The following EPHA6 variants were observed in gnomAD, a reference collection of about 807,000 sequenced individuals.
The protein encoded by EPHA6 is EPH receptor A6, also known as ephrin type-A receptor 6.
A neutral mutation model predicts 112.0 loss-of-function variants in EPHA6; 50 were observed. The ratio of observed to expected loss-of-function variants is 0.45; its 90% confidence interval spans 0.36 to 0.56. EPHA6 has a LOEUF of 0.56. EPHA6 is among the 20% of genes least tolerant of loss of function. The pLI is 0.00. For synonymous variants in EPHA6, 529 were observed against 490.7 expected, an observed-to-expected ratio of 1.08 and a Z score of -1.03; for missense variants, 1,280 against 1,417.4, an observed-to-expected ratio of 0.90 and a Z score of 1.56.
At chr3:97,024,700 T>C (rs1322870452) in intron 3 of EPHA6, among the ~76,000 whole-genome samples, 1 of 152,208 alleles carries the variant, frequency 6.6e-6, no homozygotes, top group Non-Finnish European at 1.5e-5. Context: ...TATTTAAAGA[T>C]ATTTCATTGA....
Position 97,540,016 on chromosome 3 carries a change from T to A in EPHA6, c.2386+7473T>A, listed in dbSNP as rs62262778. On this transcript the variant is annotated intron_variant, in intron 11 of 17. Coordinates refer to ENST00000389672, the MANE Select transcript of EPHA6 (RefSeq NM_001080448.3). Reference sequence around the variant, plus strand: ...ATTAATTAGGGAAAGAGTTATAGGATGAAGATGAGAAGAGATTAAATCCAA... The same window carrying A: ...ATTAATTAGGGAAAGAGTTATAGGAAGAAGATGAGAAGAGATTAAATCCAA... Among the ~76,000 whole-genome samples, 1,051 of 152,152 alleles carry A rather than the reference T, an allele frequency of 6.9e-3. 9 individuals carry two copies. Among genetic ancestry groups the A allele is most frequent in the South Asian group, 0.018 (88 of 4,830 alleles).
intron 3 of EPHA6, among the ~76,000 whole-genome samples, chr3:97,024,941 A>G (rs1298302293): frequency 6.6e-6 from 1 of 152,222 alleles, no homozygotes; most frequent in Non-Finnish European, 1.5e-5. Context: ...TTGTATAATA[A>G]TAAACCCATG....
chr3:97,165,516 T>C (rs888670025), intron 3 of EPHA6, among the ~76,000 whole-genome samples: 3 of 152,122 alleles, frequency 2.0e-5, no homozygotes, highest in Admixed American at 2.0e-4. Context: ...AGAGCAAATA[T>C]ATCTACAGTG....
intron 10 of EPHA6, among the ~76,000 whole-genome samples, chr3:97,496,151 T>C (rs1226796485): frequency 1.3e-5 from 2 of 152,140 alleles, no homozygotes; most frequent in East Asian, 1.9e-4. Context: ...TTTGTGAGGA[T>C]TGATTGAAGT....
chr3:97,563,766 C>T (rs2093224420), intron 11 of EPHA6, among the ~76,000 whole-genome samples: 1 of 152,114 alleles, frequency 6.6e-6, no homozygotes, highest in Non-Finnish European at 1.5e-5. Flanking sequence ...AAACATTCTC[C>T]TTTAATGGAC....
intron 2 of EPHA6, among the ~76,000 whole-genome samples, chr3:96,921,509 C>A (rs533424398): frequency 6.6e-6 from 1 of 151,794 alleles, no homozygotes. Context: ...AAACTCTATT[C>A]AACTTAAATG....
chr3:97,354,278 C>T (rs572190929), intron 5 of EPHA6, among the ~76,000 whole-genome samples: 13 of 152,072 alleles, frequency 8.5e-5, no homozygotes, highest in Admixed American at 2.0e-4. Flanking sequence ...GAAACATGAC[C>T]TCACCAAACA....
intron 3 of EPHA6, among the ~76,000 whole-genome samples, chr3:97,019,003 T>TC (rs2044361958): frequency 6.6e-6 from 1 of 152,134 alleles, no homozygotes; most frequent in Non-Finnish European, 1.5e-5. Flanking sequence ...CCTCACTATG[T>TC]CCCCTCAGCT....
chr3:96,976,065 A>T (rs1043764850), intron 2 of EPHA6, among the ~76,000 whole-genome samples: 1 of 152,184 alleles, frequency 6.6e-6, no homozygotes, highest in Non-Finnish European at 1.5e-5. Flanking sequence ...GTTTGATAAT[A>T]TACTTTATCC....
intron 11 of EPHA6, among the ~76,000 whole-genome samples, chr3:97,538,310 G>C (rs1356238210): frequency 6.6e-6 from 1 of 152,172 alleles, no homozygotes; most frequent in East Asian, 1.9e-4. Context: ...TGTATAGGGG[G>C]AATGAGGACG....
intron 12 of EPHA6, among the ~76,000 whole-genome samples, chr3:97,605,392 T>C (rs894191177): frequency 3.3e-5 from 5 of 151,702 alleles, no homozygotes; most frequent in African/African-American, 1.2e-4. Context: ...AGTTCTTACA[T>C]TTAAATCTTT....
At chr3:97,196,168 T>C (rs1351645779) in intron 3 of EPHA6, among the ~76,000 whole-genome samples, 1 of 150,308 alleles carries the variant, frequency 6.7e-6, no homozygotes, top group Admixed American at 6.7e-5. Flanking sequence ...TCTTCCTTGT[T>C]TTTTTTTTCT....
At chr3:97,186,455 T>C (rs1206741075) in intron 3 of EPHA6, among the ~76,000 whole-genome samples, 1 of 152,146 alleles carries the variant, frequency 6.6e-6, no homozygotes, top group East Asian at 1.9e-4. Flanking sequence ...GATATGCCCC[T>C]CTCTCAACTT....
chr3:97,533,375 A>G (rs1013406431), intron 11 of EPHA6, among the ~76,000 whole-genome samples: 3 of 152,086 alleles, frequency 2.0e-5, no homozygotes, highest in African/African-American at 7.2e-5. Context: ...AGGAAAGTAT[A>G]AAAGCTTACT....
At chr3:96,884,403 T>C (rs562274924) in intron 2 of EPHA6, among the ~76,000 whole-genome samples, 6 of 152,280 alleles carry the variant, frequency 3.9e-5, no homozygotes, top group Admixed American at 3.3e-4. Context: ...TTCAGCATCA[T>C]TTTATAGCTT....
chr3:96,971,931 T>C (rs553879185), intron 2 of EPHA6, among the ~76,000 whole-genome samples: 1 of 152,282 alleles, frequency 6.6e-6, no homozygotes, highest in East Asian at 1.9e-4. Flanking sequence ...TATTGGCATA[T>C]ACTACAAAAC....
At chr3:97,285,739 A>G (rs1275958356) in intron 5 of EPHA6, among the ~76,000 whole-genome samples, 3 of 152,112 alleles carry the variant, frequency 2.0e-5, no homozygotes, top group African/African-American at 4.8e-5. Context: ...AATACCCAGT[A>G]GTGGGATTGC....
intron 11 of EPHA6, among the ~76,000 whole-genome samples, chr3:97,582,229 A>G (rs1380116655): frequency 2.0e-5 from 3 of 152,042 alleles, no homozygotes; most frequent in East Asian, 1.9e-4. Flanking sequence ...GGGTTTCTCC[A>G]TAGTGGTCAG....
intron 3 of EPHA6, among the ~76,000 whole-genome samples, chr3:97,012,199 T>C (rs1437617364): frequency 1.3e-5 from 2 of 152,136 alleles, no homozygotes; most frequent in Admixed American, 1.3e-4. Context: ...GATCAAATGG[T>C]AGTTTTGTTT....
Sources: allele counts gnomAD v4.1 joint callset (sites outside exome capture counted in the v4.1 genomes callset), GRCh38; gene constraint gnomAD v4.1.1; transcripts MANE v1.5; gene names NCBI Gene and HGNC (gene_info 2026-07-23, HGNC 2026-07-21).